Variants in N4BP2 observed in about 807,000 individuals in gnomAD.
The protein encoded by N4BP2 is NEDD4 binding protein 2.
Under a neutral mutation model 152.8 loss-of-function variants are expected in N4BP2, and 91 were observed. The observed-to-expected ratio is 0.60, with a 90% CI of 0.50 to 0.71. The LOEUF is 0.71. N4BP2 is among the 30% of genes least tolerant of loss of function. The pLI, the probability that N4BP2 is intolerant of heterozygous loss-of-function variation, is 0.00. For missense variants in N4BP2, 1,923 were observed against 2,059.1 expected, an observed-to-expected ratio of 0.93 and a Z score of 1.28; for synonymous variants, 646 against 705.3, an observed-to-expected ratio of 0.92 and a Z score of 1.33.
chr4:40,163,767 C>T, the N4BP2 span, among the ~76,000 whole-genome samples: 3 of 152,166 alleles, frequency 2.0e-5, no homozygotes, highest in Non-Finnish European at 4.4e-5. Flanking sequence ...CTTTAGTGGC[C>T]TTGTTATGAG....
intron 2 of N4BP2, among the ~76,000 whole-genome samples, chr4:40,080,099 A>G (rs955103937): frequency 6.6e-6 from 1 of 152,090 alleles, no homozygotes; most frequent in Non-Finnish European, 1.5e-5. Context: ...CTTTTCAAAT[A>G]CAATCTCTGT....
chr4:40,088,486 G>T (rs1292876463), intron 2 of N4BP2, among the ~76,000 whole-genome samples: 3 of 149,566 alleles, frequency 2.0e-5, no homozygotes, highest in African/African-American at 7.3e-5. Context: ...TGATAGGTAA[G>T]TAATATCTCA....
At chr4:40,083,080 C>G (rs754255206) in intron 2 of N4BP2, 1 of 204,582 alleles carries the variant, frequency 4.9e-6, no homozygotes, top group African/African-American at 2.3e-5. Flanking sequence ...CGCCCTGTGC[C>G]TGTTCTGTAT....
intron 2 of N4BP2, among the ~76,000 whole-genome samples, chr4:40,096,911 T>G (rs149178963): frequency 6.6e-6 from 1 of 152,326 alleles, no homozygotes; most frequent in East Asian, 1.9e-4. Context: ...AAATTTATAA[T>G]GCCTATTGGA....
chr4:40,071,691 C>T (rs1053492668), intron 1 of N4BP2, among the ~76,000 whole-genome samples: 6 of 151,008 alleles, frequency 4.0e-5, no homozygotes, highest in East Asian at 2.0e-4. Context: ...CTCAGCCTCC[C>T]GAGTAGCTGG....
At chr4:40,137,760 T>A (rs1719536531) in intron 14 of N4BP2, among the ~76,000 whole-genome samples, 1 of 152,130 alleles carries the variant, frequency 6.6e-6, no homozygotes, top group Non-Finnish European at 1.5e-5. Context: ...GGCAAAAGCC[T>A]GTATTTTGGT....
chr4:40,123,218 T>C lies in N4BP2; in HGVS notation c.4284+6T>C, dbSNP rs1403974505. On this transcript the variant is annotated splice_donor_region_variant and intron_variant, in intron 10 of 17. Coordinates refer to ENST00000261435, the MANE Select transcript of N4BP2 (RefSeq NM_018177.6). ...AATGGAAAGAATCTGTAATGGTTGG[T>C]AGGCTTCTTTTTATAAAGAGCTCCT... is the stretch of plus-strand genomic sequence containing the variant. 1.3e-6 allele frequency: 2 copies of C among 1,591,310 alleles called. No individual in the cohort carries two copies. Among genetic ancestry groups the C allele is most frequent in the South Asian group, 1.1e-5 (1 of 89,142 alleles).
intron 16 of N4BP2, among the ~76,000 whole-genome samples, chr4:40,145,322 C>T (rs950447498): frequency 6.6e-6 from 1 of 152,006 alleles, no homozygotes; most frequent in Non-Finnish European, 1.5e-5. Context: ...CTCCTGGGTT[C>T]AAGCCATTCT....
chr4:40,107,093 G>GT (rs1716377005), intron 5 of N4BP2, 69 bp downstream of exon 5: 2 of 1,521,030 alleles, frequency 1.3e-6, no homozygotes, highest in Non-Finnish European at 1.8e-6. Flanking sequence ...CTTAGTATTT[G>GT]TTTGTGTGTT....
the N4BP2 span, among the ~76,000 whole-genome samples, chr4:40,189,752 G>A: frequency 4.6e-5 from 7 of 152,084 alleles, no homozygotes; most frequent in Admixed American, 3.9e-4. This position sits in a 1 kb window ranked among gnomAD's most constrained non-coding sequence, Gnocchi z 4.3. Context: ...AGCTGGGCAT[G>A]GTGGTAGGCC....
chr4:40,092,798 C>T (rs973921654), intron 2 of N4BP2, among the ~76,000 whole-genome samples: 8 of 151,972 alleles, frequency 5.3e-5, no homozygotes, highest in African/African-American at 1.9e-4. Context: ...CGTGCACCAC[C>T]ATGCCCAGCT....
intron 8 of N4BP2, 86 bp from the exon 9 acceptor site, chr4:40,119,846 C>A: frequency 1.6e-6 from 1 of 611,496 alleles, no homozygotes; most frequent in Non-Finnish European, 2.8e-6. Flanking sequence ...TGTTAAGTGC[C>A]CTGTCAATTA....
chr4:40,190,404 A>G, the N4BP2 span, among the ~76,000 whole-genome samples: 2 of 152,360 alleles, frequency 1.3e-5, no homozygotes, highest in Admixed American at 1.3e-4. Context: ...AAATGTCATT[A>G]ACAATTTGAT....
chr4:40,158,273 T>C (rs1721755111), downstream of N4BP2: 1 of 152,232 alleles, frequency 6.6e-6, no homozygotes, highest in African/African-American at 2.4e-5. Context: ...AGGAAATCCT[T>C]CATTTGATGT....
In N4BP2 at chr4:40,102,788, T is replaced by C; in HGVS notation, c.943T>C (p.Ser315Pro). The change falls in exon 4 of 18, where the codon TCT becomes CCT. Residue 315 changes from serine (S) to proline (P), a missense_variant. Ser to Pro is a moderately conservative substitution (Grantham distance 74). Coordinates refer to ENST00000261435, the MANE Select transcript of N4BP2 (RefSeq NM_018177.6). ...TGGDQKSTRV[S>P]DVFLPSEGFN... is the part of the protein sequence containing the mutation. ...TGGGGATCAGAAATCTACTCGGGTC[T>C]CTGATGTGTTTCTACCTTCCGAAGG... The C allele has an allele frequency of 6.2e-7, 1 of 1,614,200 alleles. No homozygotes were observed. Among genetic ancestry groups the C allele is most frequent in the Non-Finnish European group, 8.5e-7 (1 of 1,180,026 alleles).
chr4:40,086,963 G>T (rs78648205), intron 2 of N4BP2, among the ~76,000 whole-genome samples: 1 of 151,750 alleles, frequency 6.6e-6, no homozygotes, highest in Admixed American at 6.6e-5. Flanking sequence ...TGCCCAGGCT[G>T]GTTTCGAACT....
chr4:40,116,614 T>A (rs1163604560), intron 7 of N4BP2, among the ~76,000 whole-genome samples: 1 of 152,200 alleles, frequency 6.6e-6, no homozygotes, highest in East Asian at 1.9e-4. Context: ...ATGCTCTCAT[T>A]GTCCAGAATA....
At chr4:40,089,675 G>A (rs1283710805) in intron 2 of N4BP2, among the ~76,000 whole-genome samples, 1 of 151,838 alleles carries the variant, frequency 6.6e-6, no homozygotes, top group Non-Finnish European at 1.5e-5. Flanking sequence ...GAGCTCAAGT[G>A]ATCTGCATGC....
At chr4:40,101,115 G>T (rs1335392449) in intron 3 of N4BP2, among the ~76,000 whole-genome samples, 1 of 152,024 alleles carries the variant, frequency 6.6e-6, no homozygotes, top group African/African-American at 2.4e-5. Flanking sequence ...TCTCCTTTGT[G>T]CTTCTATGGC....
Sources: allele counts gnomAD v4.1 joint callset (sites outside exome capture counted in the v4.1 genomes callset), GRCh38; gene constraint gnomAD v4.1.1; non-coding constraint Gnocchi (gnomAD v3.1); transcripts MANE v1.5; gene names NCBI Gene and HGNC (gene_info 2026-07-23, HGNC 2026-07-21).